Variants in PRKCH observed in about 807,000 individuals in gnomAD.
PRKCH encodes the protein protein kinase C eta.
In PRKCH, 28 loss-of-function variants were observed where a neutral mutation model predicts 82.5. That is an observed-to-expected ratio of 0.34 (90% CI 0.25 to 0.47). The LOEUF is 0.47. Ranked by LOEUF, PRKCH falls within the 20% of genes least tolerant of loss-of-function variation. The pLI is 1.00. For missense variants in PRKCH, 705 were observed against 881.8 expected (o/e 0.80, Z 2.54); for synonymous variants, 322 against 327.4 (o/e 0.98, Z 0.18).
intron 1 of PRKCH, among the ~76,000 whole-genome samples, chr14:61,346,080 G>A (rs1337661546): frequency 1.3e-5 from 2 of 152,156 alleles, no homozygotes; most frequent in African/African-American, 4.8e-5. Flanking sequence ...AGTTGATAGG[G>A]CCCTGGGTAG....
At chr14:61,467,570 G>A (rs191903938) in intron 9 of PRKCH, among the ~76,000 whole-genome samples, 1 of 152,344 alleles carries the variant, frequency 6.6e-6, no homozygotes, top group African/African-American at 2.4e-5. Context: ...AGGGGAAGAG[G>A]CCCTGTGACA....
intron 10 of PRKCH, among the ~76,000 whole-genome samples, chr14:61,510,438 C>T (rs1450846329): frequency 6.6e-6 from 1 of 151,386 alleles, no homozygotes; most frequent in Non-Finnish European, 1.5e-5. Context: ...GGAGGGGGAG[C>T]GATTCACATC....
intron 1 of PRKCH, among the ~76,000 whole-genome samples, chr14:61,207,270 A>G (rs1384087121): frequency 2.6e-5 from 4 of 152,112 alleles, no homozygotes; most frequent in Non-Finnish European, 5.9e-5. Flanking sequence ...CTGAGGTCTG[A>G]CTGGGTTTGC....
chr14:61,327,066 C>G (rs2140122354), intron 1 of PRKCH: 1 of 456,080 alleles, frequency 2.2e-6, no homozygotes, highest in Non-Finnish European at 4.4e-6. Flanking sequence ...GGCGCCCCCT[C>G]AGGAAGGAAG....
rs143421105 is a variant in PRKCH, at chr14:61,421,890, C to G, written c.428-21221C>G. ...GGGAGGCTTCTCCAGTAAGGCATCT[C>G]CAAAGTAAGTCATTTTAGTGTGAGG... On this transcript the variant is annotated intron_variant, in intron 2 of 13. Coordinates refer to ENST00000332981, the MANE Select transcript of PRKCH (RefSeq NM_006255.5). Among the ~76,000 whole-genome samples the G allele has an allele frequency of 5.7e-3, 868 of 152,156 alleles. 7 individuals carry two copies. The highest frequency in any genetic ancestry group is 0.02 in the African/African-American group (838 of 41,516).
intron 1 of PRKCH, among the ~76,000 whole-genome samples, chr14:61,223,893 GCCC>G (rs1381309158): frequency 6.6e-6 from 1 of 152,090 alleles, no homozygotes; most frequent in Non-Finnish European, 1.5e-5. Flanking sequence ...CACATGTCTG[GCCC>G]TCATTTAGTA....
At chr14:61,539,822 C>T (rs373469654) in intron 12 of PRKCH, among the ~76,000 whole-genome samples, 4 of 152,170 alleles carry the variant, frequency 2.6e-5, no homozygotes, top group African/African-American at 4.8e-5. Context: ...CACCTGACGC[C>T]GGACAGGCCA....
rs2043310120 is a variant in PRKCH at position 61,550,326 on chromosome 14, A to G, written c.*495A>G. The G allele has an allele frequency of 6.6e-6, 1 of 152,574 alleles. No individual in the cohort carries two copies. The highest frequency in any genetic ancestry group is 1.5e-5 in the Non-Finnish European group (1 of 68,326). 9.5% of individuals were successfully genotyped at this position (152,574 alleles called of 1,614,324 possible). A position where few individuals can be genotyped will look rare whatever the true frequency, so the allele number is the denominator to read the frequency against. On this transcript the variant is annotated 3_prime_UTR_variant, in exon 14 of 14. Coordinates refer to ENST00000332981, the MANE Select transcript of PRKCH (RefSeq NM_006255.5). ...TTTAAGGAAATGAAGGGCTTTCCAAATAGAATGATTTACTCTGAAGAAACA... is the reference window on the plus strand; with the variant it reads ...TTTAAGGAAATGAAGGGCTTTCCAAGTAGAATGATTTACTCTGAAGAAACA...
At chr14:61,524,930 G>A (rs998193738) in intron 10 of PRKCH, among the ~76,000 whole-genome samples, 1 of 152,142 alleles carries the variant, frequency 6.6e-6, no homozygotes, top group Admixed American at 6.5e-5. Flanking sequence ...ATAAGTTTAA[G>A]TACTTTGGAG....
At chr14:61,424,145 G>A (rs891968911) in intron 2 of PRKCH, among the ~76,000 whole-genome samples, 1 of 152,204 alleles carries the variant, frequency 6.6e-6, no homozygotes, top group Non-Finnish European at 1.5e-5. Context: ...GTGGAACTAT[G>A]AGTCAATTAA....
At chr14:61,367,715 CCTT>C (rs1566841384) in intron 1 of PRKCH, among the ~76,000 whole-genome samples, 1 of 130,142 alleles carries the variant, frequency 7.7e-6, no homozygotes, top group Non-Finnish European at 1.5e-5. Context: ...CTGGAGAACT[CCTT>C]TTTTTTTTTT....
At chr14:61,356,009 A>G (rs1335797039) in intron 1 of PRKCH, among the ~76,000 whole-genome samples, 1 of 152,198 alleles carries the variant, frequency 6.6e-6, no homozygotes, top group African/African-American at 2.4e-5. Flanking sequence ...CGAGGAGGGT[A>G]GTCTTTCTGG....
Position 61,507,249 on chromosome 14 carries a change from A to G in PRKCH, c.1433+21593A>G, listed in dbSNP as rs57241692. Among the ~76,000 whole-genome samples, 2,567 of 152,280 alleles carry G rather than the reference A, an allele frequency of 0.017. 127 individuals are homozygous for G. In the East Asian group the frequency reaches 0.21, roughly 13 times the overall value. On this transcript the variant is annotated intron_variant, in intron 10 of 13. Coordinates refer to ENST00000332981, the MANE Select transcript of PRKCH (RefSeq NM_006255.5). ...GAAAACCACAATGAAATATCACCTC[A>G]TACGTGTTAGGATGGTTATCCAAAA...
At chr14:61,518,435 CAA>C (rs112769256) in intron 10 of PRKCH, among the ~76,000 whole-genome samples, 16 of 127,422 alleles carry the variant, frequency 1.3e-4, no homozygotes, top group South Asian at 2.5e-4. Context: ...ATGTGGAATG[CAA>C]AAAAAAAAAA....
intron 2 of PRKCH, among the ~76,000 whole-genome samples, chr14:61,419,323 AAT>A (rs1458141217): frequency 6.6e-6 from 1 of 152,164 alleles, no homozygotes; most frequent in African/African-American, 2.4e-5. Flanking sequence ...TTCTTTCCCA[AAT>A]GAAATCTCCT....
intron 2 of PRKCH, among the ~76,000 whole-genome samples, chr14:61,411,905 C>T (rs1484940057): frequency 6.6e-6 from 1 of 152,152 alleles, no homozygotes; most frequent in Non-Finnish European, 1.5e-5. Flanking sequence ...GTGCTTCTGC[C>T]ACCAACCAGA....
intron 1 of PRKCH, among the ~76,000 whole-genome samples, chr14:61,385,323 G>A (rs2140191545): frequency 6.6e-6 from 1 of 150,992 alleles, no homozygotes; most frequent in Non-Finnish European, 1.5e-5. Context: ...CTGGATTTGC[G>A]ATCCAGTGAA....
chr14:61,327,028 G>T (rs572193605), intron 1 of PRKCH: 9 of 455,802 alleles, frequency 2.0e-5, no homozygotes, highest in Non-Finnish European at 4.0e-5. Context: ...GGCAGGAGGA[G>T]CTGGAGGCTG....
intron 10 of PRKCH, among the ~76,000 whole-genome samples, chr14:61,524,208 G>A (rs1256891014): frequency 6.6e-6 from 1 of 152,166 alleles, no homozygotes; most frequent in Non-Finnish European, 1.5e-5. Flanking sequence ...AGCTTATGGT[G>A]GAAACAAAAT....
Sources: gnomAD v4.1 joint callset for allele counts (sites outside exome capture counted in the v4.1 genomes callset) on GRCh38, gnomAD v4.1.1 for gene constraint, MANE v1.5 for transcripts, NCBI Gene and HGNC (gene_info 2026-07-23, HGNC 2026-07-21) for gene names.